Variants in RASAL2 observed in about 807,000 individuals in gnomAD.
RASAL2 encodes the protein ras GTPase-activating protein nGAP.
In RASAL2, 58 loss-of-function variants were observed where a neutral mutation model predicts 128.9. That is an observed-to-expected ratio of 0.45 (90% CI 0.36 to 0.56). The LOEUF (loss-of-function observed/expected upper bound fraction) is 0.56. Among genes scored for constraint, RASAL2 ranks in the 20% least tolerant of loss-of-function variants. RASAL2 has a pLI of 0.00. For synonymous variants in RASAL2, 561 were observed against 580.8 expected (o/e 0.97, Z 0.49); for missense variants, 1,360 against 1,601.6 (o/e 0.85, Z 2.57).
At chr1:178,185,377 G>GT (rs1273553184) in intron 1 of RASAL2, among the ~76,000 whole-genome samples, 1 of 151,952 alleles carries the variant, frequency 6.6e-6, no homozygotes, top group Non-Finnish European at 1.5e-5. Context: ...TGACAGATGG[G>GT]TAACATCTTT....
At chr1:178,314,839 G>A (rs1038030195) in intron 3 of RASAL2, among the ~76,000 whole-genome samples, 1 of 151,086 alleles carries the variant, frequency 6.6e-6, no homozygotes. Flanking sequence ...TGCACATTGT[G>A]CAGGTTAGTT....
intron 3 of RASAL2, among the ~76,000 whole-genome samples, chr1:178,363,619 C>A (rs1317689841): frequency 3.3e-5 from 5 of 152,124 alleles, no homozygotes; most frequent in African/African-American, 1.2e-4. Flanking sequence ...TTCATAGGAG[C>A]AAATAACCAT....
intron 1 of RASAL2, among the ~76,000 whole-genome samples, chr1:178,247,198 G>T (rs1247515106): frequency 6.6e-6 from 1 of 152,044 alleles, no homozygotes; most frequent in Non-Finnish European, 1.5e-5. Context: ...TCTGGTCCTG[G>T]GCTTTTTTTT....
At chr1:178,168,813 A>T (rs990725145) in intron 1 of RASAL2, among the ~76,000 whole-genome samples, 1 of 152,070 alleles carries the variant, frequency 6.6e-6, no homozygotes, top group African/African-American at 2.4e-5. Context: ...TACTGTGTGG[A>T]ATTTTAGAGT....
At chr1:178,253,578 A>G (rs1273802310) in intron 1 of RASAL2, among the ~76,000 whole-genome samples, 1 of 152,154 alleles carries the variant, frequency 6.6e-6, no homozygotes, top group African/African-American at 2.4e-5. Flanking sequence ...GGTGAGTCCG[A>G]AAGAGAGTCA....
At chr1:178,155,644 C>CT (rs760026348) in intron 1 of RASAL2, among the ~76,000 whole-genome samples, 1,509 of 139,002 alleles carry the variant, frequency 0.011, 15 homozygotes, top group South Asian at 0.033. Flanking sequence ...TCTTGCCAGT[C>CT]TTTTTTTTTT....
chr1:178,230,596 A>G (rs1325370403), intron 1 of RASAL2, among the ~76,000 whole-genome samples: 1 of 152,192 alleles, frequency 6.6e-6, no homozygotes, highest in Non-Finnish European at 1.5e-5. Flanking sequence ...GCACCCATAC[A>G]GGCCTGCAGC....
Position 178,180,692 on chromosome 1 carries a change from C to CACACAT in RASAL2, c.202+85998_202+85999insACACAT, listed in dbSNP as rs373371488. On this transcript the variant is annotated intron_variant, in intron 1 of 17. Coordinates refer to ENST00000367649, the MANE Select transcript of RASAL2 (RefSeq NM_170692.4). ...ACACACACACACACACACACACACA[C>CACACAT]GATTCTGAGAAAGAAGAAAAGGCAT... Among the ~76,000 whole-genome samples the CACACAT allele has an allele frequency of 5.2e-3, 791 of 150,846 alleles. 10 individuals carry two copies. The highest frequency in any genetic ancestry group is 0.018 in the African/African-American group (738 of 41,000).
intron 1 of RASAL2, among the ~76,000 whole-genome samples, chr1:178,151,785 A>G (rs894777843): frequency 7.2e-5 from 11 of 152,178 alleles, no homozygotes; most frequent in South Asian, 2.1e-4. Context: ...GGGTCATGAG[A>G]AGAATTACAA....
chr1:178,164,578 T>C (rs1022767933), intron 1 of RASAL2, among the ~76,000 whole-genome samples: 2 of 150,948 alleles, frequency 1.3e-5, no homozygotes, highest in South Asian at 4.2e-4. Flanking sequence ...AAATAAACTA[T>C]CAGTAAATTT....
chr1:178,307,162 A>G (rs1668034197), intron 3 of RASAL2, among the ~76,000 whole-genome samples: 2 of 152,102 alleles, frequency 1.3e-5, no homozygotes, highest in Admixed American at 1.3e-4. Context: ...GCTTATACAC[A>G]TCAACGTATT....
intron 1 of RASAL2, among the ~76,000 whole-genome samples, chr1:178,134,766 A>G (rs757006718): frequency 6.6e-6 from 1 of 152,240 alleles, no homozygotes; most frequent in Non-Finnish European, 1.5e-5. Context: ...TTTTAACAAT[A>G]AATGAACATG....
chr1:178,174,537 T>C (rs1661819117), intron 1 of RASAL2, among the ~76,000 whole-genome samples: 2 of 152,130 alleles, frequency 1.3e-5, no homozygotes, highest in Non-Finnish European at 2.9e-5. Flanking sequence ...GAAGAGTTAA[T>C]GGGTACTTTT....
chr1:178,176,193 C>A (rs551800114), intron 1 of RASAL2, among the ~76,000 whole-genome samples: 23 of 151,846 alleles, frequency 1.5e-4, no homozygotes, highest in African/African-American at 5.1e-4. Flanking sequence ...ATAAGCATTC[C>A]CCTGTCACCA....
At chr1:178,312,487 A>G (rs1350364809) in intron 3 of RASAL2, among the ~76,000 whole-genome samples, 1 of 152,218 alleles carries the variant, frequency 6.6e-6, no homozygotes, top group Non-Finnish European at 1.5e-5. Flanking sequence ...ATTTTCAGAC[A>G]TGCAAGACTC....
chr1:178,318,481 A>T (rs971098951), intron 3 of RASAL2, among the ~76,000 whole-genome samples: 1 of 151,344 alleles, frequency 6.6e-6, no homozygotes, highest in African/African-American at 2.4e-5. Context: ...GTGCTCCCGT[A>T]TTGGGTGCAT....
At chr1:178,382,477 A>T (rs1672337111) in intron 3 of RASAL2, among the ~76,000 whole-genome samples, 1 of 151,984 alleles carries the variant, frequency 6.6e-6, no homozygotes, top group African/African-American at 2.4e-5. Flanking sequence ...TTTTTTCTCC[A>T]TTGCAGCCCA....
At chr1:178,311,409 A>G (rs1668244145) in intron 3 of RASAL2, among the ~76,000 whole-genome samples, 1 of 152,128 alleles carries the variant, frequency 6.6e-6, no homozygotes, top group Admixed American at 6.6e-5. Flanking sequence ...GAATCTTTAA[A>G]TAGCTCAGGA....
intron 1 of RASAL2, among the ~76,000 whole-genome samples, chr1:178,199,278 C>A (rs1004169907): frequency 6.6e-6 from 1 of 152,170 alleles, no homozygotes; most frequent in Non-Finnish European, 1.5e-5. Context: ...TGATGCCCCA[C>A]CCTCCTTCAG....
Sources: gnomAD v4.1 joint callset for allele counts (sites outside exome capture counted in the v4.1 genomes callset) on GRCh38, gnomAD v4.1.1 for gene constraint, MANE v1.5 for transcripts, NCBI Gene and HGNC (gene_info 2026-07-23, HGNC 2026-07-21) for gene names.